ELAVL2: variants seen among roughly 807,000 people sequenced by gnomAD.
ELAVL2 encodes ELAV like RNA binding protein 2.
In ELAVL2, 4 loss-of-function variants were observed where a neutral mutation model predicts 34.6. The ratio of observed to expected loss-of-function variants is 0.12; its 90% CI spans 0.06 to 0.26. The LOEUF is 0.26. Ranked by LOEUF, ELAVL2 falls within the 10% of genes least tolerant of loss-of-function variation. ELAVL2 has a pLI of 1.00. For missense variants in ELAVL2, 432 were observed against 442.8 expected (o/e 0.98, Z 0.22); for synonymous variants, 193 against 154.8 (o/e 1.25, Z -1.83).
intron 2 of ELAVL2, among the ~76,000 whole-genome samples, chr9:23,761,698 T>C (rs934760741): frequency 6.6e-6 from 1 of 152,010 alleles, no homozygotes; most frequent in Non-Finnish European, 1.5e-5. Flanking sequence ...ACACTCAGGG[T>C]ACTAAAAGAT....
At chr9:23,746,298 T>C (rs979422963) in intron 2 of ELAVL2, among the ~76,000 whole-genome samples, 1 of 152,090 alleles carries the variant, frequency 6.6e-6, no homozygotes, top group African/African-American at 2.4e-5. Context: ...CAATACAAAA[T>C]TAATAAGCTT....
chr9:23,719,250 G>C (rs1003812067), intron 3 of ELAVL2, among the ~76,000 whole-genome samples: 1 of 152,136 alleles, frequency 6.6e-6, no homozygotes, highest in Non-Finnish European at 1.5e-5. Flanking sequence ...CTGACTGATA[G>C]CATCAATAAC....
At chr9:23,704,615 G>A (rs776841395) in intron 4 of ELAVL2, among the ~76,000 whole-genome samples, 1 of 152,052 alleles carries the variant, frequency 6.6e-6, no homozygotes, top group Non-Finnish European at 1.5e-5. Context: ...GCAGGATGGG[G>A]GCTTTTATCA....
chr9:23,743,787 T>G (rs1382992045), intron 2 of ELAVL2, among the ~76,000 whole-genome samples: 1 of 152,192 alleles, frequency 6.6e-6, no homozygotes, highest in Non-Finnish European at 1.5e-5. Context: ...TAATTCATCT[T>G]AAAAACTTTT....
the ELAVL2 span, among the ~76,000 whole-genome samples, chr9:23,839,922 A>G: frequency 6.6e-6 from 1 of 152,156 alleles, no homozygotes; most frequent in Non-Finnish European, 1.5e-5. Flanking sequence ...AGATATTCTT[A>G]GGGTAATCAA....
At chr9:23,697,092 C>G (rs2035533095) in intron 5 of ELAVL2, among the ~76,000 whole-genome samples, 1 of 151,934 alleles carries the variant, frequency 6.6e-6, no homozygotes. Context: ...TGCTCTTTAG[C>G]CTGAACAAAA....
At chr9:23,712,468 G>C (rs560272383) in intron 3 of ELAVL2, among the ~76,000 whole-genome samples, 1 of 152,122 alleles carries the variant, frequency 6.6e-6, no homozygotes, top group East Asian at 1.9e-4. Flanking sequence ...AACTGTCTTA[G>C]GACAGTTATT....
At chr9:23,834,662 T>C in the ELAVL2 span, among the ~76,000 whole-genome samples, 1 of 152,050 alleles carries the variant, frequency 6.6e-6, no homozygotes, top group Non-Finnish European at 1.5e-5. Context: ...TCTTAAATAT[T>C]TTCATTAGCT....
At chr9:23,698,503 T>C (rs1354071316) in intron 5 of ELAVL2, among the ~76,000 whole-genome samples, 1 of 152,184 alleles carries the variant, frequency 6.6e-6, no homozygotes, top group African/African-American at 2.4e-5. Context: ...TTGACCATAA[T>C]ACATATAACT....
chr9:23,699,812 G>GTTTT lies in ELAVL2; in HGVS notation c.713+1563_713+1566dup, dbSNP rs199637833. On this transcript the variant is annotated intron_variant, in intron 5 of 6. Transcript: ENST00000397312. ...CCATGGGAAGTCAAAGGTGGCAAAG[G>GTTTT]TTTTTTTTTTTTTTTTTTTTTTTTT... is the stretch of plus-strand genomic sequence containing the variant. 2.7e-3 allele frequency among the ~76,000 whole-genome samples: 225 copies of GTTTT among 82,942 alleles called. 25 individuals carry two copies. Among genetic ancestry groups the GTTTT allele is most frequent in the East Asian group, 0.01 (23 of 2,232 alleles). The allele number at this position is 82,942 out of a possible 152,430, so 54.4% of individuals were successfully genotyped here.
At chr9:23,785,510 G>A (rs893243677) in intron 1 of ELAVL2, among the ~76,000 whole-genome samples, 1 of 152,182 alleles carries the variant, frequency 6.6e-6, no homozygotes, top group Non-Finnish European at 1.5e-5. Flanking sequence ...TTTTTAATCA[G>A]ATATCTCCCA....
intron 1 of ELAVL2, among the ~76,000 whole-genome samples, chr9:23,796,391 C>T (rs942792077): frequency 5.9e-5 from 9 of 152,230 alleles, no homozygotes; most frequent in African/African-American, 2.2e-4. Context: ...ATACTCTGTC[C>T]TTTGAGACAT....
intron 2 of ELAVL2, among the ~76,000 whole-genome samples, chr9:23,733,832 T>C (rs964396677): frequency 9.9e-5 from 15 of 152,118 alleles, no homozygotes; most frequent in African/African-American, 2.7e-4. Flanking sequence ...ATTATCATCA[T>C]CACCACCACC....
intron 1 of ELAVL2, among the ~76,000 whole-genome samples, chr9:23,777,634 G>T (rs184169207): frequency 1.3e-5 from 2 of 152,074 alleles, no homozygotes; most frequent in African/African-American, 4.8e-5. Context: ...GTGGGAAACG[G>T]GGGGTATCAT....
the ELAVL2 span, among the ~76,000 whole-genome samples, chr9:23,848,502 T>C: frequency 2.0e-5 from 3 of 152,208 alleles, no homozygotes; most frequent in Non-Finnish European, 2.9e-5. Context: ...TTGATGACTT[T>C]GGAAGCTGAC....
chr9:23,696,517 G>A (rs1024964384), intron 5 of ELAVL2, among the ~76,000 whole-genome samples: 4 of 152,202 alleles, frequency 2.6e-5, no homozygotes, highest in Non-Finnish European at 1.5e-5. Flanking sequence ...CACCCAGGCT[G>A]GAGTGCAGTG....
At chr9:23,748,159 G>C (rs2050973714) in intron 2 of ELAVL2, among the ~76,000 whole-genome samples, 1 of 151,268 alleles carries the variant, frequency 6.6e-6, no homozygotes, top group South Asian at 2.1e-4. Context: ...TATTGATGGG[G>C]GGCTTCCTTG....
At chr9:23,725,749 T>G (rs1255470546) in intron 3 of ELAVL2, among the ~76,000 whole-genome samples, 13 of 152,170 alleles carry the variant, frequency 8.5e-5, no homozygotes, top group Admixed American at 8.5e-4. Context: ...GCAATTAAAA[T>G]TATTCTCTCT....
At chr9:23,753,714 A>T (rs1005067897) in intron 2 of ELAVL2, among the ~76,000 whole-genome samples, 4 of 152,138 alleles carry the variant, frequency 2.6e-5, no homozygotes, top group African/African-American at 9.7e-5. Flanking sequence ...ACAAGCGCTT[A>T]AATTGAGAAT....
Sources: gnomAD v4.1 joint callset for allele counts (sites outside exome capture counted in the v4.1 genomes callset) on GRCh38, gnomAD v4.1.1 for gene constraint, MANE v1.5 for transcripts, NCBI Gene and HGNC (gene_info 2026-07-23, HGNC 2026-07-21) for gene names.